Variants in ZNF71 observed in about 807,000 individuals in gnomAD.
ZNF71 encodes endothelial zinc finger protein induced by tumor necrosis factor alpha.
ZNF71 carries 3 observed loss-of-function variants against 6.7 expected under a neutral mutation model. The ratio of observed to expected loss-of-function variants is 0.45; its 90% CI spans 0.20 to 1.16. The LOEUF is 1.16. Ranked by LOEUF, ZNF71 falls within the 50% of genes most tolerant of loss-of-function variation. The pLI is 0.25. For synonymous variants in ZNF71, 343 were observed against 311.1 expected, an observed-to-expected ratio of 1.10 and a Z score of -1.08; for missense variants, 688 against 728.6, an observed-to-expected ratio of 0.94 and a Z score of 0.64.
intron 1 of ZNF71, among the ~76,000 whole-genome samples, chr19:56,599,613 C>A (rs1490713164): frequency 6.6e-6 from 1 of 151,856 alleles, no homozygotes; most frequent in Non-Finnish European, 1.5e-5. Flanking sequence ...GTGTAATAAT[C>A]ACATCAGGAT....
intron 1 of ZNF71, among the ~76,000 whole-genome samples, chr19:56,596,698 T>A (rs1035502683): frequency 5.3e-5 from 8 of 152,196 alleles, no homozygotes; most frequent in African/African-American, 1.9e-4. Flanking sequence ...ACCATCATCA[T>A]CCTTATCTTA....
At position 56,623,886 on chromosome 19, in the gene ZNF71, C is replaced by T. The variant is rs1353289064; in HGVS notation, c.*1129C>T. ...ATCCCAGTCACAAGGGCCCTGACCT[C>T]ATGACCTCCCAAAGGTCCTCCCTCT... On this transcript the variant is annotated 3_prime_UTR_variant, in exon 4 of 4. Transcript: ENST00000599599. The T allele has an allele frequency of 1.2e-5, 2 of 167,214 alleles. No homozygotes were observed. The highest frequency in any genetic ancestry group is 3.9e-4 in the East Asian group (2 of 5,168). 10.4% of individuals were successfully genotyped at this position (167,214 alleles called of 1,614,324 possible). A position where few individuals can be genotyped will look rare whatever the true frequency, so the allele number is the denominator to read the frequency against.
At chr19:56,605,454 C>T (rs1373094137) in intron 2 of ZNF71, among the ~76,000 whole-genome samples, 4 of 152,232 alleles carry the variant, frequency 2.6e-5, no homozygotes, top group African/African-American at 9.6e-5. Context: ...TCTAGCCCAG[C>T]TGCCATCCAA....
At chr19:56,620,858 T>C (rs2044839182) in intron 3 of ZNF71, among the ~76,000 whole-genome samples, 1 of 152,152 alleles carries the variant, frequency 6.6e-6, no homozygotes, top group Non-Finnish European at 1.5e-5. Context: ...AACTGTTGCT[T>C]GAGGAGCACG....
rs2148004309 is a variant in ZNF71, at chr19:56,600,454, C to T, written c.-52-1053C>T. Among the ~76,000 whole-genome samples the T allele has an allele frequency of 1.2e-4, 2 of 16,112 alleles. 1 individual carries two copies. Among genetic ancestry groups the T allele is most frequent in the Middle Eastern group, 0.067 (2 of 30 alleles). 10.6% of individuals were successfully genotyped at this position (16,112 alleles called of 152,430 possible). A position where few individuals can be genotyped will look rare whatever the true frequency, so the allele number is the denominator to read the frequency against. On this transcript the variant is annotated intron_variant, in intron 1 of 3. Transcript: ENST00000599599. ...CCTCATGATCCACCCGCCTCGGCCT[C>T]CCAAAGTGCTGGGATTACAGGCGTG...
chr19:56,621,514 A>G lies in ZNF71; in HGVS notation c.407A>G (p.His136Arg). 1.9e-6 allele frequency: 3 copies of G among 1,614,184 alleles called. No individual in the cohort carries two copies. Among genetic ancestry groups the G allele is most frequent in the Non-Finnish European group, 2.5e-6 (3 of 1,180,020 alleles). ...TTAGGGGGCTCAGTACCCGCATGTC[A>G]TGAACTGAAGGCATTTGCCAACCAA... The part of the protein sequence containing the change: ...KLLGGSVPAC[H>R]ELKAFANQGC... The change falls in exon 4 of 4, where the codon CAT becomes CGT. Residue 136 changes from histidine to arginine, a missense_variant. Physicochemically the swap from His to Arg is conservative, Grantham distance 29. Transcript: ENST00000599599.
Position 56,622,759 on chromosome 19 carries a change from C to T in ZNF71, c.*2C>T, listed in dbSNP as rs141286207. 1.9e-6 allele frequency: 3 copies of T among 1,591,166 alleles called. No homozygotes were observed. Among genetic ancestry groups the T allele is most frequent in the African/African-American group, 2.7e-5 (2 of 74,688 alleles). On this transcript the variant is annotated 3_prime_UTR_variant, in exon 4 of 4. Coordinates refer to ENST00000599599, the MANE Select transcript of ZNF71 (RefSeq NM_001370215.1). ...CGCCACCTGCGGATTCACACCTGAGCGCCTCTGTGCAGGGCTCTCACTGGC... is the reference window on the plus strand; with the variant it reads ...CGCCACCTGCGGATTCACACCTGAGTGCCTCTGTGCAGGGCTCTCACTGGC...
At position 56,598,180 on chromosome 19, in the gene ZNF71, G is replaced by C. The variant is rs2148002090; in HGVS notation, c.-53+2752G>C. ...GAGGGGGAGAGAGTTGCTGCTTGAG[G>C]TCAGGTGATTGGGGGTAGAGGACTT... On this transcript the variant is annotated intron_variant, in intron 1 of 3. Transcript: ENST00000599599. The surrounding 1 kb of genome is among the most constrained non-coding windows in gnomAD (Gnocchi z 4.2). Among the ~76,000 whole-genome samples, 1 of 152,250 alleles carries C rather than the reference G, an allele frequency of 6.6e-6. No homozygotes were observed. The highest frequency in any genetic ancestry group is 6.5e-5 in the Admixed American group (1 of 15,288).
At chr19:56,608,698 G>A in intron 2 of ZNF71, among the ~76,000 whole-genome samples, 1 of 151,988 alleles carries the variant, frequency 6.6e-6, no homozygotes, top group South Asian at 2.1e-4. Context: ...GATCATTCGG[G>A]GCTGTCTTGG....
At position 56,621,476 on chromosome 19, in the gene ZNF71, G is replaced by A. The variant is rs11551834; in HGVS notation, c.369G>A (p.Gln123=). The A allele has an allele frequency of 6.2e-7, 1 of 1,614,066 alleles. No individual in the cohort carries two copies. The highest frequency in any genetic ancestry group is 8.5e-7 in the Non-Finnish European group (1 of 1,180,000). Residue 123 remains glutamine, a synonymous_variant, in exon 4 of 4, where the codon CAG becomes CAA. Transcript: ENST00000599599. ...GAEWEPLGIP[Q]GNKLLGGSVP... ...AGTGGGAGCCATTGGGAATTCCCCA[G>A]GGGAACAAACTCTTAGGGGGCTCAG...
chr19:56,617,942 A>G (rs1045521679), intron 3 of ZNF71, among the ~76,000 whole-genome samples: 2 of 151,640 alleles, frequency 1.3e-5, no homozygotes, highest in Non-Finnish European at 2.9e-5. Context: ...CTGCCAGCTC[A>G]TATTCCAGAG....
chr19:56,614,026 C>G (rs1207245154), intron 3 of ZNF71, 88 bp downstream of exon 3: 25 of 998,964 alleles, frequency 2.5e-5, no homozygotes, highest in Admixed American at 5.2e-5. Context: ...ATCAACAGAT[C>G]TGACTACATG....
chr19:56,600,185 A>ATTTTTTTTTTTTTT lies in ZNF71; in HGVS notation c.-52-1312_-52-1299dup. Among the ~76,000 whole-genome samples, 6 of 24,910 alleles carry ATTTTTTTTTTTTTT rather than the reference A, an allele frequency of 2.4e-4. 3 individuals carry two copies. The African/African-American group carries it at 3.0e-3, about 12-fold the overall frequency. The allele number at this position is 24,910 out of a possible 152,430, so 16.3% of individuals were successfully genotyped here. A position where few individuals can be genotyped will look rare whatever the true frequency, so the allele number is the denominator to read the frequency against. ...ATCTTGGCTCACTGCAACCCTCTGT[A>ATTTTTTTTTTTTTT]TTTTTTTTTTTTTTTTTTTTTTTGA... On this transcript the variant is annotated intron_variant, in intron 1 of 3. Coordinates refer to ENST00000599599, the MANE Select transcript of ZNF71 (RefSeq NM_001370215.1).
intron 3 of ZNF71, among the ~76,000 whole-genome samples, chr19:56,619,617 C>T (rs1600597823): frequency 6.6e-6 from 1 of 152,166 alleles, no homozygotes; most frequent in African/African-American, 2.4e-5. Context: ...TATGTTTGAG[C>T]AGCATCAGCC....
chr19:56,620,810 G>A (rs1447765955), intron 3 of ZNF71, among the ~76,000 whole-genome samples: 2 of 152,184 alleles, frequency 1.3e-5, no homozygotes, highest in African/African-American at 2.4e-5. Flanking sequence ...TTACAGGCAT[G>A]AGCCACTGTG....
intron 2 of ZNF71, chr19:56,610,139 A>G (rs981352320): frequency 6.6e-6 from 1 of 152,202 alleles, no homozygotes; most frequent in Non-Finnish European, 1.5e-5. Context: ...TTTTTCTTAG[A>G]TATCTACCAA....
At chr19:56,606,696 T>G (rs1271020611) in intron 2 of ZNF71, among the ~76,000 whole-genome samples, 1 of 152,100 alleles carries the variant, frequency 6.6e-6, no homozygotes, top group African/African-American at 2.4e-5. Context: ...CACATGGATT[T>G]TCCTTGTGGC....
rs952149130 is a variant in ZNF71, at chr19:56,603,391, A to T, written c.33+1800A>T. ...GCAAGGTTCAACCATGTGGTAGCAC[A>T]TATAGAGCTTCATTCCTTTTTTTGA... On this transcript the variant is annotated intron_variant, in intron 2 of 3. Coordinates refer to ENST00000599599, the MANE Select transcript of ZNF71 (RefSeq NM_001370215.1). This position sits in a 1 kb window ranked among gnomAD's most constrained non-coding sequence, Gnocchi z 4.6. Among the ~76,000 whole-genome samples the T allele has an allele frequency of 5.3e-5, 8 of 152,246 alleles. No individual in the cohort carries two copies. The highest frequency in any genetic ancestry group is 1.9e-4 in the African/African-American group (8 of 41,466).
At chr19:56,621,072 T>C (rs1034639669) in intron 3 of ZNF71, among the ~76,000 whole-genome samples, 196 bp from the exon 4 acceptor site, 3 of 152,150 alleles carry the variant, frequency 2.0e-5, no homozygotes, top group Non-Finnish European at 4.4e-5. Context: ...TGACTCTGCT[T>C]CATAAACCAC....
Sources: gnomAD v4.1 joint callset for allele counts (sites outside exome capture counted in the v4.1 genomes callset) on GRCh38, gnomAD v4.1.1 for gene constraint, Gnocchi (gnomAD v3.1) non-coding constraint, MANE v1.5 for transcripts, NCBI Gene and HGNC (gene_info 2026-07-23, HGNC 2026-07-21) for gene names.